The following ZSCAN25 variants were observed in gnomAD, a reference collection of about 807,000 sequenced individuals.
The protein encoded by ZSCAN25 is zinc finger and SCAN domain-containing protein 25.
In ZSCAN25, 27 loss-of-function variants were observed where a neutral mutation model predicts 38.7. The ratio of observed to expected loss-of-function variants is 0.70; its 90% CI spans 0.51 to 0.96. The LOEUF (loss-of-function observed/expected upper bound fraction) is 0.96. Among genes scored for constraint, ZSCAN25 ranks in the 40% least tolerant of loss-of-function variants. The pLI is 0.00. For synonymous variants in ZSCAN25, 273 were observed against 277.7 expected, an observed-to-expected ratio of 0.98 and a Z score of 0.17; for missense variants, 637 against 705.9, an observed-to-expected ratio of 0.90 and a Z score of 1.11.
At chr7:99,621,155 G>A (rs1479733668) in intron 4 of ZSCAN25, 6 of 377,344 alleles carry the variant, frequency 1.6e-5, no homozygotes, top group Non-Finnish European at 2.3e-5. Context: ...GTCAAATGGC[G>A]TGGACAGATA....
chr7:99,689,232 G>T, the ZSCAN25 span, among the ~76,000 whole-genome samples: 1 of 152,094 alleles, frequency 6.6e-6, no homozygotes, highest in South Asian at 2.1e-4. Context: ...CCAGGAGCTG[G>T]TTTTTTGAAA....
At chr7:99,701,300 C>T in the ZSCAN25 span, among the ~76,000 whole-genome samples, 1 of 152,182 alleles carries the variant, frequency 6.6e-6, no homozygotes, top group Non-Finnish European at 1.5e-5. Flanking sequence ...TTTTTCATGG[C>T]TGAATTGTAC....
chr7:99,631,399 A>G lies in ZSCAN25; in HGVS notation c.*1379A>G, dbSNP rs1200922100. Reference sequence around the variant, plus strand: ...AAAAATGAGAAGATGCAATATTTGTAAACTGTTGAAGCTTCCTTATTGTGC... The same window carrying G: ...AAAAATGAGAAGATGCAATATTTGTGAACTGTTGAAGCTTCCTTATTGTGC... On this transcript the variant is annotated 3_prime_UTR_variant, in exon 8 of 8. Coordinates refer to ENST00000394152, the MANE Select transcript of ZSCAN25 (RefSeq NM_145115.3). 2.0e-6 allele frequency: 2 copies of G among 985,322 alleles called. No individual in the cohort carries two copies. Among genetic ancestry groups the G allele is most frequent in the African/African-American group, 3.5e-5 (2 of 57,234 alleles). 61.0% of individuals were successfully genotyped at this position (985,322 alleles called of 1,614,324 possible). A position where few individuals can be genotyped will look rare whatever the true frequency, so the allele number is the denominator to read the frequency against.
At chr7:99,725,236 G>A in the ZSCAN25 span, among the ~76,000 whole-genome samples, 1 of 152,176 alleles carries the variant, frequency 6.6e-6, no homozygotes, top group African/African-American at 2.4e-5. Flanking sequence ...TGGACCCAGA[G>A]GGGCCAGAAG....
At chr7:99,711,873 A>G in the ZSCAN25 span, among the ~76,000 whole-genome samples, 3 of 152,330 alleles carry the variant, frequency 2.0e-5, no homozygotes, top group East Asian at 5.8e-4. Flanking sequence ...AAGATGTGGT[A>G]ATTTGTGTGC....
the ZSCAN25 span, among the ~76,000 whole-genome samples, chr7:99,721,399 T>C: frequency 6.6e-6 from 1 of 152,292 alleles, no homozygotes; most frequent in African/African-American, 2.4e-5. Flanking sequence ...AAAGTTGAAA[T>C]GAAAGAGTTT....
At chr7:99,707,698 G>C in the ZSCAN25 span, 1 of 1,514,722 alleles carries the variant, frequency 6.6e-7, no homozygotes, top group Non-Finnish European at 9.0e-7. Context: ...AGATTCCTTG[G>C]CCCATAGAAC....
chr7:99,652,332 T>C, the ZSCAN25 span: 1 of 382,552 alleles, frequency 2.6e-6, no homozygotes, highest in Non-Finnish European at 4.7e-6. Flanking sequence ...CACAGGGACA[T>C]AATTGATTAT....
chr7:99,675,408 C>T, the ZSCAN25 span, among the ~76,000 whole-genome samples: 1 of 151,960 alleles, frequency 6.6e-6, no homozygotes, highest in Non-Finnish European at 1.5e-5. Flanking sequence ...GTGTAGAATT[C>T]TCAGATAGTA....
the ZSCAN25 span, among the ~76,000 whole-genome samples, chr7:99,722,947 A>G: frequency 0.76 from 115,804 of 151,988 alleles, 47,094 homozygotes; most frequent in Non-Finnish European, 0.91. Flanking sequence ...CCAGCTTAAC[A>G]TGAAAGTTCT....
the ZSCAN25 span, among the ~76,000 whole-genome samples, chr7:99,651,605 A>T: frequency 1.3e-4 from 20 of 152,224 alleles, no homozygotes; most frequent in African/African-American, 4.6e-4. Flanking sequence ...GACCAACAAG[A>T]CAAGGTTCCT....
chr7:99,687,422 G>C, the ZSCAN25 span, among the ~76,000 whole-genome samples: 1 of 152,212 alleles, frequency 6.6e-6, no homozygotes, highest in African/African-American at 2.4e-5. Flanking sequence ...AAGGGTATCA[G>C]TGATGGAAGA....
the ZSCAN25 span, among the ~76,000 whole-genome samples, chr7:99,722,716 G>A: frequency 3.3e-5 from 5 of 152,194 alleles, no homozygotes; most frequent in African/African-American, 1.2e-4. Context: ...CTGAGGGAAT[G>A]TGAGTGAGCG....
the ZSCAN25 span, among the ~76,000 whole-genome samples, chr7:99,639,006 G>A: frequency 6.6e-6 from 1 of 152,256 alleles, no homozygotes; most frequent in African/African-American, 2.4e-5. Context: ...CCGCCGTCCT[G>A]CTGAGGCACG....
chr7:99,671,899 T>C, the ZSCAN25 span: 1 of 701,442 alleles, frequency 1.4e-6, no homozygotes, highest in Non-Finnish European at 2.6e-6. Context: ...GAAAAATTGC[T>C]TAGAACTACC....
the ZSCAN25 span, among the ~76,000 whole-genome samples, chr7:99,651,434 G>T: frequency 6.6e-6 from 1 of 152,162 alleles, no homozygotes; most frequent in Non-Finnish European, 1.5e-5. Context: ...ACAGCGAGTG[G>T]TCTCTGATTT....
rs1808069267 is a variant in ZSCAN25, at chr7:99,632,334, A to G, written c.*2314A>G. Reference sequence around the variant, plus strand: ...TTCTTTAGAAATTTTTTTATAATAGATAATTTCAAACCTATATAAATAAAT... The same window carrying G: ...TTCTTTAGAAATTTTTTTATAATAGGTAATTTCAAACCTATATAAATAAAT... On this transcript the variant is annotated 3_prime_UTR_variant, in exon 8 of 8. Coordinates refer to ENST00000394152, the MANE Select transcript of ZSCAN25 (RefSeq NM_145115.3). 2.6e-6 allele frequency: 2 copies of G among 757,478 alleles called. No individual in the cohort carries two copies. Among genetic ancestry groups the G allele is most frequent in the Admixed American group, 6.4e-5 (1 of 15,562 alleles). The allele number at this position is 757,478 out of a possible 1,614,324, so 46.9% of individuals were successfully genotyped here.
In ZSCAN25 at chr7:99,630,612, T is replaced by G; in HGVS notation, c.*592T>G. 1.0e-6 allele frequency: 1 copy of G among 986,184 alleles called. No homozygotes were observed. The highest frequency in any genetic ancestry group is 1.2e-6 in the Non-Finnish European group (1 of 830,566). The allele number at this position is 986,184 out of a possible 1,614,324, so 61.1% of individuals were successfully genotyped here. A position where few individuals can be genotyped will look rare whatever the true frequency, so the allele number is the denominator to read the frequency against. ...GTGTGCCCGTGAGAACATCTTCCCA[T>G]GACCACTCCTGCCCTCCTGCCCCGT... On this transcript the variant is annotated 3_prime_UTR_variant, in exon 8 of 8. Coordinates refer to ENST00000394152, the MANE Select transcript of ZSCAN25 (RefSeq NM_145115.3).
chr7:99,632,794 C>T (rs1203848071), downstream of ZSCAN25, among the ~76,000 whole-genome samples: 1 of 152,142 alleles, frequency 6.6e-6, no homozygotes, highest in Non-Finnish European at 1.5e-5. Flanking sequence ...TGTCTCAAAA[C>T]AAAACAGTTC....
Sources: gnomAD v4.1 joint callset for allele counts (sites outside exome capture counted in the v4.1 genomes callset) on GRCh38, gnomAD v4.1.1 for gene constraint, MANE v1.5 for transcripts, NCBI Gene and HGNC (gene_info 2026-07-23, HGNC 2026-07-21) for gene names.